IMPG2: variants seen among roughly 807,000 people sequenced by gnomAD.
The protein encoded by IMPG2 is IPM 200.
Under a neutral mutation model 129.2 loss-of-function variants are expected in IMPG2, and 91 were observed. The observed-to-expected ratio is 0.70, with a 90% CI of 0.59 to 0.84. IMPG2 has a LOEUF of 0.84. Ranked by LOEUF, IMPG2 falls within the 40% of genes least tolerant of loss-of-function variation. IMPG2 has a pLI of 0.00. For synonymous variants in IMPG2, 510 were observed against 517.7 expected, an observed-to-expected ratio of 0.99 and a Z score of 0.20; for missense variants, 1,430 against 1,461.7, an observed-to-expected ratio of 0.98 and a Z score of 0.35.
intron 4 of IMPG2, among the ~76,000 whole-genome samples, chr3:101,286,818 G>A (rs1283178954): frequency 6.6e-6 from 1 of 152,118 alleles, no homozygotes; most frequent in Non-Finnish European, 1.5e-5. Context: ...CAGAAAGATG[G>A]GACAGTTTGA....
chr3:101,267,875 A>C (rs1706738773), intron 8 of IMPG2, among the ~76,000 whole-genome samples: 4 of 152,160 alleles, frequency 2.6e-5, no homozygotes, highest in Admixed American at 2.6e-4. Flanking sequence ...GGGATACAAC[A>C]TGTTATGCAG....
chr3:101,278,018 T>C (rs1175765515), intron 4 of IMPG2, among the ~76,000 whole-genome samples: 1 of 152,196 alleles, frequency 6.6e-6, no homozygotes, highest in Non-Finnish European at 1.5e-5. Context: ...GTCAATCACT[T>C]GAGGCCAGCA....
At chr3:101,308,053 G>T (rs1707222543) in intron 2 of IMPG2, among the ~76,000 whole-genome samples, 1 of 152,230 alleles carries the variant, frequency 6.6e-6, no homozygotes. Context: ...TCACATCCAT[G>T]TCACACTGAT....
At position 101,223,682 on chromosome 3, in the gene IMPG2, G is replaced by C. The variant is rs753790568; in HGVS notation, c.*3287C>G. 10 of 152,142 alleles carry C rather than the reference G, an allele frequency of 6.6e-5. No individual in the cohort carries two copies. Among genetic ancestry groups the C allele is most frequent in the South Asian group, 4.1e-4 (2 of 4,832 alleles). The allele number at this position is 152,142 out of a possible 1,614,324, so 9.4% of individuals were successfully genotyped here. ...AGCTTTTTGTTAGAGGTAATATTAA[G>C]TCAGAGTTGTTCAAACACATTACAA... On this transcript the variant is annotated 3_prime_UTR_variant, in exon 19 of 19. Coordinates refer to ENST00000193391, the MANE Select transcript of IMPG2 (RefSeq NM_016247.4).
chr3:101,251,827 G>GA (rs1000645502), intron 11 of IMPG2, among the ~76,000 whole-genome samples: 1 of 151,920 alleles, frequency 6.6e-6, no homozygotes, highest in South Asian at 2.1e-4. Context: ...GATCTGGGGG[G>GA]AAAAAACCCA....
Position 101,244,676 on chromosome 3 carries a change from T to C in IMPG2, c.1655A>G (p.Asp552Gly). 1.2e-6 allele frequency: 2 copies of C among 1,614,136 alleles called. No individual in the cohort carries two copies. The highest frequency in any genetic ancestry group is 1.7e-6 in the Non-Finnish European group (2 of 1,179,970). Reference sequence around the variant, plus strand: ...ATATGGTGAAGATGTTAAGGACACATCAGAGTCTTCCATGGATGGTATTGT... The same window carrying C: ...ATATGGTGAAGATGTTAAGGACACACCAGAGTCTTCCATGGATGGTATTGT... Reference protein sequence around the residue: ...KETIPSMEDSDVSLTSSPYLT... With the variant: ...KETIPSMEDSGVSLTSSPYLT... The change falls in exon 13 of 19, where the codon GAT (aspartate) becomes GGT (glycine). Residue 552 changes from aspartate to glycine, a missense_variant. Coordinates refer to ENST00000193391, the MANE Select transcript of IMPG2 (RefSeq NM_016247.4).
intron 10 of IMPG2, among the ~76,000 whole-genome samples, chr3:101,256,009 A>C (rs867040670): frequency 6.6e-6 from 1 of 151,534 alleles, no homozygotes; most frequent in African/African-American, 2.4e-5. Flanking sequence ...TTAGTCCAGC[A>C]GCCAAAATAG....
At chr3:101,256,174 AAAG>A (rs1170046901) in intron 10 of IMPG2, among the ~76,000 whole-genome samples, 3 of 149,082 alleles carry the variant, frequency 2.0e-5, no homozygotes, top group African/African-American at 5.0e-5. Flanking sequence ...AGAAAGAAAG[AAAG>A]AAAGAAAGAA....
At chr3:101,266,482 T>C (rs1706721265) in intron 9 of IMPG2, among the ~76,000 whole-genome samples, 1 of 152,200 alleles carries the variant, frequency 6.6e-6, no homozygotes. Context: ...AATATAGCCC[T>C]GAAACATACT....
In IMPG2 at chr3:101,223,090, G is replaced by A. The variant is rs997310083; in HGVS notation, c.*3879C>T. Reference sequence around the variant, plus strand: ...AGGTTTTACAAAATGCATGACTCAAGGAAATTTCCAGGCAATTCTTTACAT... The same window carrying A: ...AGGTTTTACAAAATGCATGACTCAAAGAAATTTCCAGGCAATTCTTTACAT... On this transcript the variant is annotated 3_prime_UTR_variant, in exon 19 of 19. Transcript: ENST00000193391. The A allele has an allele frequency of 3.1e-4, 47 of 152,280 alleles. No individual in the cohort carries two copies. The highest frequency in any genetic ancestry group is 1.1e-3 in the African/African-American group (45 of 41,552). The allele number at this position is 152,280 out of a possible 1,614,324, so 9.4% of individuals were successfully genotyped here. A position where few individuals can be genotyped will look rare whatever the true frequency, so the allele number is the denominator to read the frequency against.
chr3:101,270,682 C>T (rs1023224054), intron 7 of IMPG2, among the ~76,000 whole-genome samples: 4 of 152,008 alleles, frequency 2.6e-5, no homozygotes, highest in East Asian at 3.9e-4. Context: ...CGCCTGTAGT[C>T]CCAGCTAGGC....
intron 14 of IMPG2, among the ~76,000 whole-genome samples, chr3:101,241,750 A>AC (rs1195454913): frequency 6.6e-6 from 1 of 152,054 alleles, no homozygotes; most frequent in Non-Finnish European, 1.5e-5. Context: ...TTCTCTGGCC[A>AC]GGTGCGGTGG....
chr3:101,302,930 C>A (rs977918077), intron 3 of IMPG2, among the ~76,000 whole-genome samples: 1 of 152,010 alleles, frequency 6.6e-6, no homozygotes, highest in African/African-American at 2.4e-5. Context: ...CCCAACGTCC[C>A]CCATTTAATA....
intron 3 of IMPG2, among the ~76,000 whole-genome samples, chr3:101,300,601 AGGCTCACTCACT>A (rs1707130026): frequency 6.6e-6 from 1 of 152,352 alleles, no homozygotes; most frequent in Admixed American, 6.5e-5. Flanking sequence ...GCTGGGTAGC[AGGCTCACTCACT>A]GCCTCCCTTG....
At chr3:101,280,111 T>C (rs965451952) in intron 4 of IMPG2, among the ~76,000 whole-genome samples, 1 of 152,208 alleles carries the variant, frequency 6.6e-6, no homozygotes, top group African/African-American at 2.4e-5. Context: ...ACTAATAACA[T>C]ACAACCCCTT....
At chr3:101,247,756 T>A (rs1445659636) in intron 11 of IMPG2, among the ~76,000 whole-genome samples, 1 of 152,188 alleles carries the variant, frequency 6.6e-6, no homozygotes, top group Non-Finnish European at 1.5e-5. Context: ...AATGGTTGGA[T>A]CATGTTCTGG....
At chr3:101,262,571 T>C (rs146428486) in intron 9 of IMPG2, among the ~76,000 whole-genome samples, 187 of 152,028 alleles carry the variant, frequency 1.2e-3, no homozygotes, top group African/African-American at 4.3e-3. Flanking sequence ...AGACACCTGG[T>C]ACTCATCCCC....
At chr3:101,231,975 T>C (rs1706292344) in intron 15 of IMPG2, among the ~76,000 whole-genome samples, 1 of 152,226 alleles carries the variant, frequency 6.6e-6, no homozygotes, top group Non-Finnish European at 1.5e-5. Context: ...CTTTGAAAAC[T>C]TTAAATACTT....
Position 101,244,022 on chromosome 3 carries a change from A to G in IMPG2, c.2309T>C (p.Met770Thr), listed in dbSNP as rs775688217. ...TGGCAATATAGTCCACAAAGTTTGCATATCTGGCTTTACCATTGAAACCTC... is the reference window on the plus strand; with the variant it reads ...TGGCAATATAGTCCACAAAGTTTGCGTATCTGGCTTTACCATTGAAACCTC... ...DSEVSMVKPD[M>T]QTLWTILPES... Residue 770 changes from methionine (M) to threonine (T), a missense_variant, in exon 13 of 19, where the codon ATG becomes ACG. Met to Thr is a moderately conservative substitution (Grantham distance 81). Transcript: ENST00000193391. 6 of 1,614,206 alleles carry G rather than the reference A, an allele frequency of 3.7e-6. No homozygotes were observed. The South Asian group carries it at 5.5e-5, about 15-fold the overall frequency.
Sources: gnomAD v4.1 joint callset for allele counts (sites outside exome capture counted in the v4.1 genomes callset) on GRCh38, gnomAD v4.1.1 for gene constraint, MANE v1.5 for transcripts, NCBI Gene and HGNC (gene_info 2026-07-23, HGNC 2026-07-21) for gene names.